RSRC1: variants seen among roughly 807,000 people sequenced by gnomAD.
RSRC1 encodes serine/Arginine-related protein 53.
RSRC1 carries 39 observed loss-of-function variants against 49.1 expected under a neutral mutation model. That is an observed-to-expected ratio of 0.79 (90% CI 0.61 to 1.04). The LOEUF (loss-of-function observed/expected upper bound fraction) is 1.04, where lower values mean the gene tolerates loss of function less well. Among genes scored for constraint, RSRC1 ranks in the 50% least tolerant of loss-of-function variants. The pLI, the probability that RSRC1 is intolerant of heterozygous loss-of-function variation, is 0.00. For missense variants in RSRC1, 388 were observed against 402.4 expected (o/e 0.96, Z 0.31); for synonymous variants, 143 against 130.8 (o/e 1.09, Z -0.63).
chr3:158,223,904 T>C (rs558100096), intron 4 of RSRC1, among the ~76,000 whole-genome samples: 1 of 151,868 alleles, frequency 6.6e-6, no homozygotes, highest in African/African-American at 2.4e-5. Flanking sequence ...ATTTAGTTTT[T>C]ACTTCAAGTG....
At chr3:158,528,764 A>T (rs1435275233) in intron 7 of RSRC1, among the ~76,000 whole-genome samples, 1 of 151,954 alleles carries the variant, frequency 6.6e-6, no homozygotes, top group Non-Finnish European at 1.5e-5. Context: ...AAATAAGAAA[A>T]CTTCCAGTAG....
intron 5 of RSRC1, among the ~76,000 whole-genome samples, chr3:158,345,283 G>T (rs1730487878): frequency 6.6e-6 from 1 of 151,838 alleles, no homozygotes; most frequent in Non-Finnish European, 1.5e-5. Flanking sequence ...CAATGTGGTA[G>T]ATTAATAATT....
intron 4 of RSRC1, among the ~76,000 whole-genome samples, chr3:158,277,950 C>A (rs1173573345): frequency 6.6e-6 from 1 of 152,078 alleles, no homozygotes; most frequent in Admixed American, 6.5e-5. Context: ...CCTGTGCCCA[C>A]CTAAGGAGCA....
intron 4 of RSRC1, among the ~76,000 whole-genome samples, chr3:158,240,870 CAAG>C (rs1039271963): frequency 7.9e-5 from 12 of 152,020 alleles, no homozygotes; most frequent in African/African-American, 2.4e-4. Context: ...TGACAGATCA[CAAG>C]AAGGGTGAAT....
chr3:158,338,498 C>T (rs1377253388), intron 5 of RSRC1, among the ~76,000 whole-genome samples: 2 of 152,132 alleles, frequency 1.3e-5, no homozygotes, highest in Non-Finnish European at 2.9e-5. Context: ...GTGTCTCTGT[C>T]ATAGTGAGAT....
chr3:158,447,656 A>C (rs1736793719), intron 6 of RSRC1, among the ~76,000 whole-genome samples: 1 of 151,930 alleles, frequency 6.6e-6, no homozygotes, highest in Non-Finnish European at 1.5e-5. Flanking sequence ...AGTATCTTAA[A>C]GTACTTAGCA....
chr3:158,194,213 G>T (rs1005324099), intron 3 of RSRC1, among the ~76,000 whole-genome samples: 1 of 151,786 alleles, frequency 6.6e-6, no homozygotes, highest in Non-Finnish European at 1.5e-5. Flanking sequence ...ATTTGAGGTT[G>T]CAGTAAGATA....
intron 6 of RSRC1, among the ~76,000 whole-genome samples, chr3:158,419,713 C>T (rs535800031): frequency 2.0e-5 from 3 of 151,656 alleles, no homozygotes; most frequent in South Asian, 4.2e-4. Context: ...TATAGATTTG[C>T]ACACATAACA....
At chr3:158,169,517 C>A (rs1048596167) in intron 3 of RSRC1, among the ~76,000 whole-genome samples, 1 of 152,106 alleles carries the variant, frequency 6.6e-6, no homozygotes, top group African/African-American at 2.4e-5. Flanking sequence ...TTTCTACTTT[C>A]CAAATTTATG....
At chr3:158,315,647 A>G (rs889546275) in intron 5 of RSRC1, among the ~76,000 whole-genome samples, 1 of 152,204 alleles carries the variant, frequency 6.6e-6, no homozygotes, top group Non-Finnish European at 1.5e-5. Context: ...TATAATTTAA[A>G]CAATCTTAAT....
At chr3:158,461,397 A>G (rs1348372724) in intron 7 of RSRC1, among the ~76,000 whole-genome samples, 1 of 151,918 alleles carries the variant, frequency 6.6e-6, no homozygotes, top group Non-Finnish European at 1.5e-5. Context: ...TAAAGTTGAG[A>G]GAACATTGAA....
At chr3:158,297,827 T>A (rs1168704095) in intron 4 of RSRC1, among the ~76,000 whole-genome samples, 1 of 151,990 alleles carries the variant, frequency 6.6e-6, no homozygotes, top group Non-Finnish European at 1.5e-5. Context: ...AATCTGAAAC[T>A]TTTTTTAGTG....
chr3:158,240,014 G>C (rs1259872753), intron 4 of RSRC1, among the ~76,000 whole-genome samples: 2 of 152,072 alleles, frequency 1.3e-5, no homozygotes, highest in African/African-American at 4.8e-5. Flanking sequence ...CTGTAGATTT[G>C]TTTGGTGGGA....
intron 6 of RSRC1, among the ~76,000 whole-genome samples, chr3:158,412,528 TGTTTATGTTATG>T (rs532122860): frequency 9.9e-5 from 15 of 152,252 alleles, no homozygotes; most frequent in Admixed American, 9.2e-4. Context: ...TTTTTATATT[TGTTTATGTTATG>T]GTTTATGTTA....
At chr3:158,515,629 A>C (rs1319788332) in intron 7 of RSRC1, among the ~76,000 whole-genome samples, 1 of 136,516 alleles carries the variant, frequency 7.3e-6, no homozygotes, top group African/African-American at 2.8e-5. Context: ...GTATTTCCTG[A>C]ATCTGAACGT....
intron 6 of RSRC1, among the ~76,000 whole-genome samples, chr3:158,394,407 A>T (rs1306081825): frequency 6.6e-6 from 1 of 152,038 alleles, no homozygotes; most frequent in Non-Finnish European, 1.5e-5. Context: ...AAAATCCCAT[A>T]GTCTTAGCTC....
chr3:158,234,456 C>G (rs1256329404), intron 4 of RSRC1, among the ~76,000 whole-genome samples: 1 of 152,066 alleles, frequency 6.6e-6, no homozygotes, highest in Non-Finnish European at 1.5e-5. Context: ...TTTGATGATT[C>G]ATGTTTTGAT....
chr3:158,135,434 T>C (rs4680414), intron 3 of RSRC1, among the ~76,000 whole-genome samples: 1 of 149,122 alleles, frequency 6.7e-6, no homozygotes, highest in African/African-American at 2.5e-5. Flanking sequence ...CACACCCAGC[T>C]ATTTTTTTTT....
chr3:158,518,909 C>G (rs1371668367), intron 7 of RSRC1, among the ~76,000 whole-genome samples: 1 of 152,118 alleles, frequency 6.6e-6, no homozygotes. Flanking sequence ...TTTTCTATCT[C>G]AGGTGAATTT....
Sources: gnomAD v4.1 joint callset for allele counts (sites outside exome capture counted in the v4.1 genomes callset) on GRCh38, gnomAD v4.1.1 for gene constraint, MANE v1.5 for transcripts, NCBI Gene and HGNC (gene_info 2026-07-23, HGNC 2026-07-21) for gene names.